Variants in EYS observed in about 807,000 individuals in gnomAD.
EYS encodes the protein protein eyes shut homolog.
A neutral mutation model predicts 282.1 loss-of-function variants in EYS; 250 were observed. The ratio of observed to expected loss-of-function variants is 0.89; its 90% confidence interval spans 0.80 to 0.98. The LOEUF is 0.98. Among genes scored for constraint, EYS ranks in the 50% least tolerant of loss-of-function variants. The probability of loss-of-function intolerance (pLI) is 0.00; values close to 1 mark genes in which losing one functional copy is unlikely to be tolerated. For missense variants in EYS, 4,016 were observed against 3,709.0 expected, an observed-to-expected ratio of 1.08 and a Z score of -2.15; for synonymous variants, 1,355 against 1,282.9, an observed-to-expected ratio of 1.06 and a Z score of -1.20.
chr6:65,355,601 T>G (rs532368391), intron 8 of EYS, among the ~76,000 whole-genome samples: 1 of 152,066 alleles, frequency 6.6e-6, no homozygotes, highest in South Asian at 2.1e-4. Context: ...CCAGAATTTA[T>G]AAGGAACTCA....
At chr6:64,998,693 A>G (rs184825409) in intron 13 of EYS, among the ~76,000 whole-genome samples, 11 of 152,310 alleles carry the variant, frequency 7.2e-5, no homozygotes, top group Admixed American at 6.5e-4. Context: ...CTCATTGACT[A>G]CAAATTGTTA....
At chr6:64,495,645 G>T (rs1776868631) in intron 26 of EYS, among the ~76,000 whole-genome samples, 1 of 151,980 alleles carries the variant, frequency 6.6e-6, no homozygotes, top group African/African-American at 2.4e-5. Context: ...GTAACAGATG[G>T]AGTCAATTTG....
chr6:64,602,543 C>T (rs534111885), intron 24 of EYS, among the ~76,000 whole-genome samples: 3 of 152,140 alleles, frequency 2.0e-5, no homozygotes, highest in Non-Finnish European at 2.9e-5. Context: ...GCAATTAGCA[C>T]TATTACACTC....
At chr6:63,996,497 T>C (rs1767843223) in intron 34 of EYS, among the ~76,000 whole-genome samples, 1 of 151,970 alleles carries the variant, frequency 6.6e-6, no homozygotes, top group South Asian at 2.1e-4. Flanking sequence ...GAAAACATCA[T>C]AAATCACGTT....
chr6:64,912,732 G>A lies in EYS; in HGVS notation c.2393C>T (p.Thr798Ile). The change falls in exon 16 of 43, where the codon ACA (threonine) becomes ATA (isoleucine). Residue 798 changes from threonine (T) to isoleucine (I), a missense_variant. Physicochemically the swap from Thr to Ile is moderately conservative, Grantham distance 89. Coordinates refer to ENST00000503581, the MANE Select transcript of EYS (RefSeq NM_001142800.2). ...DLYKSYRCECTSGWTGQNCSE... is the reference protein window; with the variant it reads ...DLYKSYRCECISGWTGQNCSE... ...ACAGTTCTGTCCAGTCCATCCAGAT[G>A]TACACTCACATCTGAAATAAAATAT... 1 of 1,374,950 alleles carries A rather than the reference G, an allele frequency of 7.3e-7. No individual in the cohort carries two copies. Among genetic ancestry groups the A allele is most frequent in the Non-Finnish European group, 9.5e-7 (1 of 1,055,262 alleles). The allele number at this position is 1,374,950 out of a possible 1,614,324, so 85.2% of individuals were successfully genotyped here. A position where few individuals can be genotyped will look rare whatever the true frequency, so the allele number is the denominator to read the frequency against.
chr6:64,448,485 G>C (rs142258748), intron 26 of EYS, among the ~76,000 whole-genome samples: 1 of 152,206 alleles, frequency 6.6e-6, no homozygotes, highest in African/African-American at 2.4e-5. Context: ...AAATGTCCCT[G>C]TCCGATAGCT....
chr6:63,722,002 A>G (rs778399236), intron 42 of EYS, among the ~76,000 whole-genome samples: 1 of 152,300 alleles, frequency 6.6e-6, no homozygotes, highest in Middle Eastern at 3.4e-3. Flanking sequence ...AATTGGCTAC[A>G]TAAATTTTCT....
At chr6:64,416,483 C>CATGAGTTTT (rs1385994575) in intron 28 of EYS, among the ~76,000 whole-genome samples, 12 of 150,010 alleles carry the variant, frequency 8.0e-5, no homozygotes. Context: ...TGCATCTCTG[C>CATGAGTTTT]ATGAGTTTTA....
intron 41 of EYS, among the ~76,000 whole-genome samples, chr6:63,736,518 C>T (rs1038102219): frequency 3.5e-4 from 53 of 152,076 alleles, no homozygotes; most frequent in African/African-American, 5.8e-4. Context: ...AGTCAGGTAG[C>T]GTGATGCCTC....
intron 12 of EYS, among the ~76,000 whole-genome samples, chr6:65,123,707 A>C (rs926660279): frequency 7.9e-5 from 12 of 151,588 alleles, no homozygotes; most frequent in African/African-American, 2.2e-4. Context: ...ATTGGTGGCT[A>C]TTTCTTGGCT....
intron 2 of EYS, among the ~76,000 whole-genome samples, chr6:65,618,108 G>T (rs373518208): frequency 6.6e-6 from 1 of 152,116 alleles, no homozygotes; most frequent in Non-Finnish European, 1.5e-5. Flanking sequence ...TCTAGTTCTA[G>T]ATCCCTGAGG....
chr6:64,433,350 T>A (rs1036053446), intron 28 of EYS, among the ~76,000 whole-genome samples: 2 of 152,012 alleles, frequency 1.3e-5, no homozygotes, highest in African/African-American at 4.8e-5. Flanking sequence ...GGTCAAAAAA[T>A]TTTAGCTGCA....
intron 41 of EYS, among the ~76,000 whole-genome samples, chr6:63,754,407 T>C (rs940821521): frequency 1.3e-5 from 2 of 152,122 alleles, no homozygotes; most frequent in South Asian, 4.1e-4. Context: ...GTGTTCTCAT[T>C]GTTCAGCTCC....
intron 22 of EYS, among the ~76,000 whole-genome samples, chr6:64,731,715 A>T (rs187013653): frequency 9.9e-4 from 151 of 152,302 alleles, no homozygotes; most frequent in African/African-American, 3.5e-3. Flanking sequence ...TGTTGGTGGG[A>T]ATGTAAATTA....
intron 22 of EYS, among the ~76,000 whole-genome samples, chr6:64,778,766 G>C (rs1773762432): frequency 6.6e-6 from 1 of 151,978 alleles, no homozygotes. Context: ...ATATACAGAT[G>C]GCAAATAAGC....
chr6:64,830,452 A>G (rs9453079), intron 19 of EYS, among the ~76,000 whole-genome samples: 1 of 151,688 alleles, frequency 6.6e-6, no homozygotes, highest in South Asian at 2.1e-4. Flanking sequence ...CTTCATTGTC[A>G]TTCATGAACA....
At chr6:65,633,653 G>A (rs1766993700) in intron 2 of EYS, among the ~76,000 whole-genome samples, 1 of 152,146 alleles carries the variant, frequency 6.6e-6, no homozygotes, top group African/African-American at 2.4e-5. Context: ...CTTAATAGTA[G>A]CTGCCTAGAA....
intron 5 of EYS, among the ~76,000 whole-genome samples, chr6:65,482,481 C>T (rs1182753458): frequency 6.6e-6 from 1 of 152,092 alleles, no homozygotes; most frequent in Non-Finnish European, 1.5e-5. Flanking sequence ...AGAATTGAGT[C>T]TCAAAATAGG....
chr6:65,629,671 A>G (rs1766844492), intron 2 of EYS, among the ~76,000 whole-genome samples: 10 of 151,876 alleles, frequency 6.6e-5, no homozygotes, highest in Admixed American at 6.6e-4. Flanking sequence ...CCTACCCTCA[A>G]ACTCCTCGAG....
Sources: allele counts gnomAD v4.1 joint callset (sites outside exome capture counted in the v4.1 genomes callset), GRCh38; gene constraint gnomAD v4.1.1; transcripts MANE v1.5; gene names NCBI Gene and HGNC (gene_info 2026-07-23, HGNC 2026-07-21).